Variants in CACNA1C observed in about 807,000 individuals in gnomAD.
CACNA1C encodes the protein calcium voltage-gated channel subunit alpha1 C.
Under a neutral mutation model 229.0 loss-of-function variants are expected in CACNA1C, and 30 were observed. The ratio of observed to expected loss-of-function variants is 0.13; its 90% CI spans 0.10 to 0.18. The LOEUF (loss-of-function observed/expected upper bound fraction) is 0.18. Ranked by LOEUF, CACNA1C falls within the 10% of genes least tolerant of loss-of-function variation. The probability of loss-of-function intolerance (pLI) is 1.00; values close to 1 mark genes in which losing one functional copy is unlikely to be tolerated. For missense variants in CACNA1C, 1,658 were observed against 2,845.0 expected (o/e 0.58, Z 9.49); for synonymous variants, 1,114 against 1,132.5 (o/e 0.98, Z 0.33).
chr12:2,548,230 C>T (rs2099885730), intron 9 of CACNA1C, among the ~76,000 whole-genome samples: 1 of 152,188 alleles, frequency 6.6e-6, no homozygotes, highest in Admixed American at 6.5e-5. Context: ...TCACCAGCCC[C>T]TCCAGACTTC....
At chr12:2,362,321 A>G (rs1195936620) in intron 3 of CACNA1C, among the ~76,000 whole-genome samples, 1 of 152,144 alleles carries the variant, frequency 6.6e-6, no homozygotes, top group East Asian at 1.9e-4. Context: ...AAGCCTGTGT[A>G]CAGTGCCAGA....
At chr12:2,186,389 G>C (rs1336271302) in intron 3 of CACNA1C, among the ~76,000 whole-genome samples, 1 of 152,166 alleles carries the variant, frequency 6.6e-6, no homozygotes, top group African/African-American at 2.4e-5. Flanking sequence ...CATCCTCCTA[G>C]GGGTGTCCTG....
At chr12:2,237,486 T>C (rs1355008760) in intron 3 of CACNA1C, among the ~76,000 whole-genome samples, 1 of 152,158 alleles carries the variant, frequency 6.6e-6, no homozygotes, top group Non-Finnish European at 1.5e-5. Flanking sequence ...AAGGAAGTAA[T>C]GAACTAAGAT....
intron 3 of CACNA1C, among the ~76,000 whole-genome samples, chr12:2,349,547 C>T (rs1052744756): frequency 1.3e-5 from 2 of 152,174 alleles, no homozygotes; most frequent in Non-Finnish European, 2.9e-5. Flanking sequence ...GCTCCCACGT[C>T]TGCCCCCTGC....
intron 1 of CACNA1C, among the ~76,000 whole-genome samples, chr12:2,059,051 T>C (rs1308574513): frequency 1.3e-5 from 2 of 152,174 alleles, no homozygotes; most frequent in African/African-American, 4.8e-5. Context: ...CATTCTCTAC[T>C]GCCCCCTTTC....
chr12:2,592,364 G>A (rs2065795684), intron 18 of CACNA1C, among the ~76,000 whole-genome samples: 1 of 152,218 alleles, frequency 6.6e-6, no homozygotes, highest in Admixed American at 6.5e-5. Flanking sequence ...AGAAACTGAG[G>A]CACAGAGAGA....
chr12:2,027,986 C>T (rs903231692), intron 1 of CACNA1C, among the ~76,000 whole-genome samples: 92 of 152,312 alleles, frequency 6.0e-4, no homozygotes, highest in African/African-American at 2.2e-3. Context: ...CATCCTTATC[C>T]GTCCTTGGTA....
At chr12:2,177,587 C>CCTTCCTTCCTTCCTTCCTTCCTT (rs1555274713) in intron 3 of CACNA1C, among the ~76,000 whole-genome samples, 1 of 78,462 alleles carries the variant, frequency 1.3e-5, no homozygotes, top group African/African-American at 6.0e-5. Context: ...CTCCCTCCCT[C>CCTTCCTTCCTTCCTTCCTTCCTT]CCTTCCTTCC....
At chr12:2,457,731 C>T (rs1329860398) in intron 5 of CACNA1C, 25 bp downstream of exon 5, 4 of 1,548,594 alleles carry the variant, frequency 2.6e-6, no homozygotes, top group Admixed American at 1.9e-5. Flanking sequence ...TTCTTGTGTA[C>T]AGTGTTATCT....
intron 3 of CACNA1C, among the ~76,000 whole-genome samples, chr12:2,299,952 TACTC>T (rs938274379): frequency 7.2e-5 from 11 of 152,220 alleles, no homozygotes; most frequent in Admixed American, 3.9e-4. Flanking sequence ...ACATTGTAGA[TACTC>T]AGTGTGTTCA....
At chr12:2,561,132 G>T (rs1368875437) in intron 11 of CACNA1C, among the ~76,000 whole-genome samples, 1 of 152,196 alleles carries the variant, frequency 6.6e-6, no homozygotes, top group Non-Finnish European at 1.5e-5. Context: ...TCCCGTGCAG[G>T]ATGGACTGTG....
intron 9 of CACNA1C, among the ~76,000 whole-genome samples, chr12:2,537,137 CCCT>C (rs780775355): frequency 2.6e-5 from 4 of 152,212 alleles, no homozygotes; most frequent in Admixed American, 1.3e-4. Flanking sequence ...GCACCCACTG[CCCT>C]CCTCCTCCAC....
At chr12:2,260,872 G>A (rs991339823) in intron 3 of CACNA1C, among the ~76,000 whole-genome samples, 2 of 152,126 alleles carry the variant, frequency 1.3e-5, no homozygotes, top group Admixed American at 6.5e-5. Context: ...ATCCCAGAGA[G>A]TTTTTATTTG....
At chr12:2,408,738 A>G (rs2154552834) in intron 3 of CACNA1C, among the ~76,000 whole-genome samples, 1 of 152,344 alleles carries the variant, frequency 6.6e-6, no homozygotes, top group Non-Finnish European at 1.5e-5. Flanking sequence ...TTATGTGAAG[A>G]GTTTTGTCCA....
intron 13 of CACNA1C, among the ~76,000 whole-genome samples, chr12:2,578,206 G>A (rs1029830773): frequency 2.6e-5 from 4 of 152,316 alleles, no homozygotes; most frequent in African/African-American, 7.2e-5. Context: ...GGGATAGAGC[G>A]GTGGCCAGGG....
At chr12:2,407,182 T>C (rs973701885) in intron 3 of CACNA1C, among the ~76,000 whole-genome samples, 2 of 152,220 alleles carry the variant, frequency 1.3e-5, no homozygotes, top group Non-Finnish European at 2.9e-5. Flanking sequence ...TTAGACCTCC[T>C]CTGACACCAC....
intron 9 of CACNA1C, among the ~76,000 whole-genome samples, chr12:2,532,331 G>C (rs1410853131): frequency 6.6e-6 from 1 of 152,038 alleles, no homozygotes; most frequent in Non-Finnish European, 1.5e-5. Context: ...GTCTCTCTCT[G>C]TCTGCCTCTC....
At chr12:2,226,822 G>A (rs1379863531) in intron 3 of CACNA1C, among the ~76,000 whole-genome samples, 3 of 152,130 alleles carry the variant, frequency 2.0e-5, no homozygotes, top group African/African-American at 4.8e-5. Context: ...GTATTCTTTC[G>A]GCAGGAGAAG....
chr12:2,474,714 C>T (rs1297641347), intron 5 of CACNA1C, among the ~76,000 whole-genome samples: 2 of 150,352 alleles, frequency 1.3e-5, no homozygotes, highest in African/African-American at 4.9e-5. Context: ...TGAGATCACG[C>T]CATTGCGCTC....
Sources: allele counts gnomAD v4.1 joint callset (sites outside exome capture counted in the v4.1 genomes callset), GRCh38; gene constraint gnomAD v4.1.1; transcripts MANE v1.5; gene names NCBI Gene and HGNC (gene_info 2026-07-23, HGNC 2026-07-21).